Variants in NONO observed in about 807,000 individuals in gnomAD.
NONO encodes non-POU domain-containing octamer-binding protein.
A neutral mutation model predicts 40.2 loss-of-function variants in NONO; 6 were observed. That is an observed-to-expected ratio of 0.15 (90% confidence interval 0.08 to 0.29). The LOEUF is 0.29. Among genes scored for constraint, NONO ranks in the 10% least tolerant of loss-of-function variants. The pLI is 1.00. For missense variants in NONO, 133 were observed against 397.8 expected, an observed-to-expected ratio of 0.33 and a Z score of 5.66; for synonymous variants, 89 against 123.3, an observed-to-expected ratio of 0.72 and a Z score of 1.85.
Position 71,298,524 on chromosome X carries a change from G to A in NONO, c.1171+16G>A, listed in dbSNP as rs2148040411. ...GCTATGGGAGGTAAGGACTTAGGAG[G>A]TTAATGGCTCTGATTTCCTTTTTTG... On this transcript the variant is annotated intron_variant, in intron 10 of 11. Transcript: ENST00000276079. The A allele has an allele frequency of 8.3e-7, 1 of 1,200,809 alleles. No individual in the cohort carries two copies. The highest frequency in any genetic ancestry group is 3.0e-5 in the East Asian group (1 of 33,819).
At chrX:71,290,328 C>T (rs979032768) in intron 2 of NONO, among the ~76,000 whole-genome samples, 1 of 112,581 alleles carries the variant, frequency 8.9e-6, no homozygotes, top group Admixed American at 9.4e-5. Flanking sequence ...GGATTACAGG[C>T]GTGAGCCACT....
rs2031561911 is a variant in NONO at position 71,300,566 on chromosome X, C to T, written c.*490C>T. ...TCCTGACCTCGTGATCTACCCACCT[C>T]GGCCTCCCAAAATGCTGGGATTACA... On this transcript the variant is annotated 3_prime_UTR_variant, in exon 12 of 12. Transcript: ENST00000276079. 5.2e-6 allele frequency: 1 copy of T among 193,367 alleles called. No homozygotes were observed. Among genetic ancestry groups the T allele is most frequent in the Non-Finnish European group, 9.7e-6 (1 of 103,423 alleles). 15.9% of individuals were successfully genotyped at this position (193,367 alleles called of 1,213,427 possible).
intron 2 of NONO, among the ~76,000 whole-genome samples, chrX:71,285,610 AAGT>A (rs2031171423): frequency 8.9e-6 from 1 of 112,381 alleles, no homozygotes; most frequent in Admixed American, 9.5e-5. Context: ...TAGTTTAGTA[AAGT>A]AGTACATCCT....
Position 71,298,798 on chromosome X carries a change from G to C in NONO, c.1263G>C (p.Pro421=). Residue 421 remains proline, a synonymous_variant, in exon 11 of 12, where the codon CCG becomes CCC. Coordinates refer to ENST00000276079, the MANE Select transcript of NONO (RefSeq NM_007363.5). ...CTCCAGGACCTGCCACTATGATGCC[G>C]GATGGAACTTTGGGATTGGTAATAA... is the stretch of plus-strand genomic sequence containing the variant. ...PAPPGPATMM[P]DGTLGLTPPT... The C allele has an allele frequency of 8.3e-7, 1 of 1,205,408 alleles. No individual in the cohort carries two copies. The highest frequency in any genetic ancestry group is 1.1e-6 in the Non-Finnish European group (1 of 890,091).
Position 71,298,168 on chromosome X carries a change from G to A in NONO, c.1131+230G>A, listed in dbSNP as rs778462665. 1.5e-4 allele frequency: 67 copies of A among 433,480 alleles called. 1 individual carries two copies. Among genetic ancestry groups the A allele is most frequent in the African/African-American group, 1.5e-3 (61 of 40,585 alleles). 35.7% of individuals were successfully genotyped at this position (433,480 alleles called of 1,213,427 possible). ...TTCTGTTTAGACTCAGTGACTATAG[G>A]AAGAGATATGCAACCTTGGCTAGTC... is the stretch of plus-strand genomic sequence containing the variant. On this transcript the variant is annotated intron_variant, in intron 9 of 11. Transcript: ENST00000276079.
intron 4 of NONO, chrX:71,293,923 C>T (rs954971395): frequency 3.6e-6 from 1 of 277,830 alleles, no homozygotes; most frequent in African/African-American, 2.7e-5. Flanking sequence ...AGCCACCGTA[C>T]CCGGCCAATG....
intron 2 of NONO, among the ~76,000 whole-genome samples, chrX:71,288,187 C>T (rs752155574): frequency 9.9e-5 from 8 of 81,051 alleles, no homozygotes; most frequent in Non-Finnish European, 1.3e-4. Context: ...AATACAATGG[C>T]GTGATCACAG....
intron 2 of NONO, among the ~76,000 whole-genome samples, chrX:71,286,701 C>T (rs754101970): frequency 4.5e-5 from 5 of 111,880 alleles, no homozygotes; most frequent in Admixed American, 3.8e-4. Flanking sequence ...ATGTACCGTA[C>T]TTTCATGAAA....
rs1328023520 is a variant in NONO, at chrX:71,298,397, G to A, written c.1132-72G>A. ...TATCACTCTATCTACTTCCCTTAGTGTGTGGTCCTTGATGGATTGTGGTAG... is the reference window on the plus strand; with the variant it reads ...TATCACTCTATCTACTTCCCTTAGTATGTGGTCCTTGATGGATTGTGGTAG... On this transcript the variant is annotated intron_variant, in intron 9 of 11. Coordinates refer to ENST00000276079, the MANE Select transcript of NONO (RefSeq NM_007363.5). The A allele has an allele frequency of 4.4e-6, 4 of 906,289 alleles. No homozygotes were observed. In the East Asian group the frequency reaches 9.3e-5, roughly 21 times the overall value. 74.7% of individuals were successfully genotyped at this position (906,289 alleles called of 1,213,427 possible).
At chrX:71,285,785 T>C (rs1223060743) in intron 2 of NONO, among the ~76,000 whole-genome samples, 2 of 112,014 alleles carry the variant, frequency 1.8e-5, no homozygotes, top group African/African-American at 6.5e-5. Context: ...ATCATGGATA[T>C]GTCCAAAGAT....
intron 2 of NONO, among the ~76,000 whole-genome samples, chrX:71,288,994 G>A (rs898859897): frequency 8.9e-6 from 1 of 112,390 alleles, no homozygotes; most frequent in Non-Finnish European, 1.9e-5. Flanking sequence ...TGTGGGCTAG[G>A]ATTGGTAGGT....
intron 2 of NONO, among the ~76,000 whole-genome samples, chrX:71,287,190 C>T (rs1477672463): frequency 3.6e-5 from 4 of 111,820 alleles, no homozygotes; most frequent in Non-Finnish European, 7.5e-5. Flanking sequence ...AAGTGATGCT[C>T]CTGCCTCAGC....
rs765413948 is a variant in NONO, at chrX:71,297,765, G to C, written c.1029-71G>C. ...AGTTTTCAGTAGGCCAGTCTCCTTG[G>C]TTGAGTCTCCTGTTAATCTGCTCAA... On this transcript the variant is annotated intron_variant, in intron 8 of 11. Coordinates refer to ENST00000276079, the MANE Select transcript of NONO (RefSeq NM_007363.5). The C allele has an allele frequency of 7.7e-4, 623 of 810,785 alleles. 2 individuals are homozygous for C. Among genetic ancestry groups the C allele is most frequent in the Non-Finnish European group, 4.1e-4 (227 of 551,716 alleles). 66.8% of individuals were successfully genotyped at this position (810,785 alleles called of 1,213,427 possible).
chrX:71,298,053 G>GA (rs2031492128), intron 9 of NONO, 115 bp downstream of exon 9: 2 of 496,809 alleles, frequency 4.0e-6, no homozygotes, highest in Non-Finnish European at 6.8e-6. Flanking sequence ...TAACCCTTTA[G>GA]AAAAAAGAAT....
intron 5 of NONO, 97 bp downstream of exon 5, chrX:71,294,625 G>A: frequency 1.1e-6 from 1 of 902,735 alleles, no homozygotes; most frequent in Middle Eastern, 3.2e-4. Context: ...TATGTTTAAA[G>A]ACTTTTGGTC....
intron 2 of NONO, among the ~76,000 whole-genome samples, chrX:71,287,073 A>G (rs973108502): frequency 4.5e-5 from 5 of 112,023 alleles, no homozygotes; most frequent in African/African-American, 1.6e-4. Context: ...GAGAAATATA[A>G]TTTTCTGTGT....
intron 4 of NONO, 151 bp from the exon 5 acceptor site, chrX:71,294,076 A>G (rs1347902866): frequency 1.2e-5 from 7 of 566,479 alleles, no homozygotes; most frequent in African/African-American, 2.3e-5. Flanking sequence ...CAAAGAGCTG[A>G]AGCACACAGT....
At position 71,298,431 on chromosome X, in the gene NONO, G is replaced by T. The variant is rs2148040287; in HGVS notation, c.1132-38G>T. The T allele has an allele frequency of 2.6e-6, 3 of 1,163,467 alleles. No homozygotes were observed. In the East Asian group the frequency reaches 8.9e-5, roughly 35 times the overall value. On this transcript the variant is annotated intron_variant, in intron 9 of 11. Coordinates refer to ENST00000276079, the MANE Select transcript of NONO (RefSeq NM_007363.5). ...TTGATGGATTGTGGTAGAATGCACT[G>T]CTGTCTTGGACTGTCTTGAGTATTT...
intron 2 of NONO, among the ~76,000 whole-genome samples, chrX:71,290,331 G>A (rs924648423): frequency 1.8e-5 from 2 of 112,677 alleles, no homozygotes; most frequent in Non-Finnish European, 3.7e-5. Context: ...TTACAGGCGT[G>A]AGCCACTGCA....
Sources: gnomAD v4.1 joint callset for allele counts (sites outside exome capture counted in the v4.1 genomes callset) on GRCh38, gnomAD v4.1.1 for gene constraint, MANE v1.5 for transcripts, NCBI Gene and HGNC (gene_info 2026-07-23, HGNC 2026-07-21) for gene names.